Variants in SDK1 observed in about 807,000 individuals in gnomAD.
The protein encoded by SDK1 is sidekick cell adhesion molecule 1, also known as protein sidekick-1.
Under a neutral mutation model 245.5 loss-of-function variants are expected in SDK1, and 157 were observed. The observed-to-expected ratio is 0.64, with a 90% CI of 0.56 to 0.73. SDK1 has a LOEUF of 0.73. Among genes scored for constraint, SDK1 ranks in the 30% least tolerant of loss-of-function variants. The probability of loss-of-function intolerance (pLI) is 0.00; values close to 1 mark genes in which losing one functional copy is unlikely to be tolerated. For missense variants in SDK1, 3,583 were observed against 3,002.3 expected (o/e 1.19, Z -4.52); for synonymous variants, 1,647 against 1,278.5 (o/e 1.29, Z -6.15).
In SDK1 at chr7:3,623,245, C is replaced by CTTTTT. The variant is rs1183056855; in HGVS notation, c.458+4022_458+4026dup. On this transcript the variant is annotated intron_variant, in intron 2 of 44. Transcript: ENST00000404826. ...ACAGTGAATTTCAAGTGTTGTATTT[C>CTTTTT]TTTTTTTTTTTTTTTTTTTTGATGT... 1.8e-3 allele frequency among the ~76,000 whole-genome samples: 210 copies of CTTTTT among 117,780 alleles called. 1 individual carries two copies. The highest frequency in any genetic ancestry group is 4.5e-3 in the Middle Eastern group (1 of 220). The allele number at this position is 117,780 out of a possible 152,430, so 77.3% of individuals were successfully genotyped here.
intron 35 of SDK1, among the ~76,000 whole-genome samples, chr7:4,194,552 C>T (rs1783471944): frequency 6.6e-6 from 1 of 152,022 alleles, no homozygotes; most frequent in Admixed American, 6.6e-5. Flanking sequence ...TATCTGCAAG[C>T]TCGAGGAGCA....
chr7:4,246,067 C>G (rs1246603705), intron 44 of SDK1, among the ~76,000 whole-genome samples: 1 of 152,136 alleles, frequency 6.6e-6, no homozygotes, highest in East Asian at 1.9e-4. Flanking sequence ...GTTGTGACTC[C>G]TAAGTCCTGG....
chr7:3,988,121 A>G (rs1182520260), intron 14 of SDK1, among the ~76,000 whole-genome samples: 3 of 132,776 alleles, frequency 2.3e-5, no homozygotes, highest in Non-Finnish European at 4.7e-5. Context: ...CACTGCATCC[A>G]TCTTTTTAAT....
chr7:3,882,154 C>T (rs565717231), intron 5 of SDK1, among the ~76,000 whole-genome samples: 48 of 152,246 alleles, frequency 3.2e-4, no homozygotes, highest in African/African-American at 1.1e-3. Flanking sequence ...TTCACGACCA[C>T]GAGAACAGTA....
intron 1 of SDK1, among the ~76,000 whole-genome samples, chr7:3,435,867 A>C (rs1780007096): frequency 6.6e-6 from 1 of 152,166 alleles, no homozygotes; most frequent in South Asian, 2.1e-4. Flanking sequence ...TTCCAGCCCT[A>C]ACCTCTCCAG....
At chr7:3,717,214 A>G (rs1439165991) in intron 4 of SDK1, among the ~76,000 whole-genome samples, 1 of 152,222 alleles carries the variant, frequency 6.6e-6, no homozygotes, top group Non-Finnish European at 1.5e-5. Context: ...ATAAAATCTC[A>G]ATGAATTTTA....
rs770272131 is a variant in SDK1 at position 4,011,067 on chromosome 7, G to C, written c.2233G>C (p.Ala745Pro). The C allele has an allele frequency of 6.2e-7, 1 of 1,614,022 alleles. No homozygotes were observed. Among genetic ancestry groups the C allele is most frequent in the African/African-American group, 1.3e-5 (1 of 74,934 alleles). ...TCGTACCTATCAATTCCGGGTGTGCGCGGTGAATGAAGTGGGCAGGGGCCA... is the reference window on the plus strand; with the variant it reads ...TCGTACCTATCAATTCCGGGTGTGCCCGGTGAATGAAGTGGGCAGGGGCCA... ...PARTYQFRVC[A>P]VNEVGRGQYS... The change falls in exon 15 of 45, where the codon GCG (alanine) becomes CCG (proline). Residue 745 changes from alanine (A) to proline (P), a missense_variant. By Grantham distance (27) the Ala-to-Pro change is conservative (BLOSUM62 -1). Coordinates refer to ENST00000404826, the MANE Select transcript of SDK1 (RefSeq NM_152744.4).
chr7:3,972,257 T>C (rs1782547167), intron 12 of SDK1, among the ~76,000 whole-genome samples: 1 of 151,970 alleles, frequency 6.6e-6, no homozygotes, highest in Admixed American at 6.6e-5. Context: ...TTTTTTGTAT[T>C]TTTAGTAGAG....
chr7:3,672,796 A>ATATATATACAT (rs1554307151), intron 4 of SDK1, among the ~76,000 whole-genome samples: 15 of 53,414 alleles, frequency 2.8e-4, no homozygotes, highest in Admixed American at 4.5e-4. Context: ...TATATATATA[A>ATATATATACAT]AAAATACAGA....
intron 1 of SDK1, among the ~76,000 whole-genome samples, chr7:3,314,661 C>G (rs1779621829): frequency 2.0e-5 from 3 of 152,182 alleles, no homozygotes; most frequent in Admixed American, 1.3e-4. Context: ...CAGAGGCCAT[C>G]TGCATCTCTA....
chr7:3,776,481 C>T (rs769859870), intron 4 of SDK1, among the ~76,000 whole-genome samples: 2 of 152,120 alleles, frequency 1.3e-5, no homozygotes, highest in Admixed American at 6.5e-5. Flanking sequence ...ATTATGAACC[C>T]GATCAGATCC....
intron 34 of SDK1, among the ~76,000 whole-genome samples, chr7:4,178,150 G>A (rs650404): frequency 0.74 from 112,261 of 152,174 alleles, 41,802 homozygotes; most frequent in African/African-American, 0.84. Flanking sequence ...CCTGCTTTGC[G>A]ACCTGGTTCC....
chr7:4,072,890 G>A (rs894932297), intron 20 of SDK1, among the ~76,000 whole-genome samples: 3 of 152,334 alleles, frequency 2.0e-5, no homozygotes, highest in African/African-American at 7.2e-5. Flanking sequence ...GCACGGAGTA[G>A]GGGGCGGCTG....
intron 19 of SDK1, among the ~76,000 whole-genome samples, chr7:4,057,603 C>T (rs2128169471): frequency 6.6e-6 from 1 of 152,278 alleles, no homozygotes. Flanking sequence ...ACCTGAGCAA[C>T]CCACCTAGAA....
chr7:3,438,583 C>T (rs1029366380), intron 1 of SDK1, among the ~76,000 whole-genome samples: 1 of 152,124 alleles, frequency 6.6e-6, no homozygotes, highest in Non-Finnish European at 1.5e-5. Flanking sequence ...AGGAGTTGGT[C>T]AGTAGGATGG....
intron 5 of SDK1, among the ~76,000 whole-genome samples, chr7:3,850,126 G>A (rs193166325): frequency 1.7e-4 from 26 of 152,284 alleles, no homozygotes; most frequent in African/African-American, 6.0e-4. Context: ...CAAAAGCCAG[G>A]TAGGAGAATG....
rs1273766679 is a variant in SDK1 at position 4,010,952 on chromosome 7, C to T, written c.2132-14C>T. ...AAGCCTGTGGGCTTGAATTCGTTTT[C>T]TTCATTCTTTCAGACTCTCCATGGA... On this transcript the variant is annotated splice_polypyrimidine_tract_variant and intron_variant, in intron 14 of 44. Coordinates refer to ENST00000404826, the MANE Select transcript of SDK1 (RefSeq NM_152744.4). The T allele has an allele frequency of 1.2e-6, 2 of 1,613,804 alleles. No homozygotes were observed. Among genetic ancestry groups the T allele is most frequent in the African/African-American group, 2.7e-5 (2 of 74,938 alleles).
At position 4,149,268 on chromosome 7, in the gene SDK1, C is replaced by T. The variant is rs756397829; in HGVS notation, c.4430C>T (p.Pro1477Leu). The change falls in exon 30 of 45, where the codon CCG (proline) becomes CTG (leucine). Residue 1477 changes from proline to leucine, a missense_variant. Physicochemically the swap from Pro to Leu is moderately conservative, Grantham distance 98. Transcript: ENST00000404826. The stretch of plus-strand genomic sequence containing the variant: ...TGTCCTCATTTGGTTGCAGAGCGGC[C>T]GGCACCCCCCAGAGAGCTCCTGGTG... The part of the protein sequence containing the change: ...TVITTEKRER[P>L]APPRELLVPQ... 3.3e-6 allele frequency: 5 copies of T among 1,520,964 alleles called. No individual in the cohort carries two copies. The highest frequency in any genetic ancestry group is 3.5e-6 in the Non-Finnish European group (4 of 1,134,818). The allele number at this position is 1,520,964 out of a possible 1,614,324, so 94.2% of individuals were successfully genotyped here.
chr7:4,071,029 GTTTA>G (rs1321056785), intron 20 of SDK1, among the ~76,000 whole-genome samples: 5 of 151,458 alleles, frequency 3.3e-5, no homozygotes, highest in African/African-American at 9.7e-5. Flanking sequence ...TTAATTTTTT[GTTTA>G]TTTATTTTTT....
Sources: gnomAD v4.1 joint callset for allele counts (sites outside exome capture counted in the v4.1 genomes callset) on GRCh38, gnomAD v4.1.1 for gene constraint, MANE v1.5 for transcripts, NCBI Gene and HGNC (gene_info 2026-07-23, HGNC 2026-07-21) for gene names.